The following LRRC14 variants were observed in gnomAD, a reference collection of about 807,000 sequenced individuals.
The protein encoded by LRRC14 is leucine-rich repeat-containing protein 14.
LRRC14 carries 16 observed loss-of-function variants against 25.3 expected under a neutral mutation model. The observed-to-expected ratio is 0.63, with a 90% CI of 0.43 to 0.96. The LOEUF (loss-of-function observed/expected upper bound fraction) is 0.96, where lower values mean the gene tolerates loss of function less well. LRRC14 is among the 40% of genes least tolerant of loss of function. The probability of loss-of-function intolerance (pLI) is 0.00; values close to 1 mark genes in which losing one functional copy is unlikely to be tolerated. For synonymous variants in LRRC14, 359 were observed against 295.1 expected, an observed-to-expected ratio of 1.22 and a Z score of -2.22; for missense variants, 594 against 660.5, an observed-to-expected ratio of 0.90 and a Z score of 1.10.
rs1815957420 is a variant in LRRC14 at position 144,520,639 on chromosome 8, T to G, written c.731T>G (p.Val244Gly). 2.5e-6 allele frequency: 4 copies of G among 1,601,918 alleles called. No homozygotes were observed. Among genetic ancestry groups the G allele is most frequent in the Non-Finnish European group, 3.4e-6 (4 of 1,179,932 alleles). The change falls in exon 3 of 4, where the codon GTG becomes GGG. Residue 244 changes from valine to glycine, a missense_variant. Val to Gly is a moderately radical substitution (Grantham distance 109). Transcript: ENST00000292524. ...GGCCTGTCTGTGATCATCCCACACGTGGCCCGCTTCCAGCACCTGGCCAGC... is the reference window on the plus strand; with the variant it reads ...GGCCTGTCTGTGATCATCCCACACGGGGCCCGCTTCCAGCACCTGGCCAGC... ...LRGLSVIIPHVARFQHLASLR... is the reference protein window; with the variant it reads ...LRGLSVIIPHGARFQHLASLR...
Position 144,523,012 on chromosome 8 carries a change from G to A in LRRC14, c.*1534G>A. On this transcript the variant is annotated 3_prime_UTR_variant, in exon 4 of 4. Coordinates refer to ENST00000292524, the MANE Select transcript of LRRC14 (RefSeq NM_014665.4). ...CGTACTTACCGGCGTGCGCCAGCGTGATGTTGCTGAGGAAGAGCATGCCGC... is the reference window on the plus strand; with the variant it reads ...CGTACTTACCGGCGTGCGCCAGCGTAATGTTGCTGAGGAAGAGCATGCCGC... 1 of 1,597,248 alleles carries A rather than the reference G, an allele frequency of 6.3e-7. No individual in the cohort carries two copies. Among genetic ancestry groups the A allele is most frequent in the Non-Finnish European group, 8.5e-7 (1 of 1,174,950 alleles).
chr8:144,520,078 T>G, intron 2 of LRRC14, 24 bp downstream of exon 2: 1 of 1,590,410 alleles, frequency 6.3e-7, no homozygotes. Flanking sequence ...TGGAGGGTCG[T>G]CAGGCCAGGG....
rs1816007455 is a variant in LRRC14 at position 144,521,100 on chromosome 8, G to A, written c.1104G>A (p.Leu368=). Residue 368 remains leucine (L), a synonymous_variant, in exon 4 of 4, where the codon TTG becomes TTA. Transcript: ENST00000292524. ...TGCAGGCATCAGCAGCCACACTGTTGCATCTGGAGCTGACTGAGTGTCAGC... is the reference window on the plus strand; with the variant it reads ...TGCAGGCATCAGCAGCCACACTGTTACATCTGGAGCTGACTGAGTGTCAGC... ...GLLQASAATL[L]HLELTECQLA... is the part of the protein sequence containing the mutation. 3 of 1,613,072 alleles carry A rather than the reference G, an allele frequency of 1.9e-6. No individual in the cohort carries two copies. The highest frequency in any genetic ancestry group is 1.7e-6 in the Non-Finnish European group (2 of 1,180,030).
In LRRC14 at chr8:144,519,971, T is replaced by C; in HGVS notation, c.246T>C (p.Thr82=). The C allele has an allele frequency of 6.2e-7, 1 of 1,612,876 alleles. No individual in the cohort carries two copies. Among genetic ancestry groups the C allele is most frequent in the Non-Finnish European group, 8.5e-7 (1 of 1,179,954 alleles). ...SRALLQERPS[T]ESMQAVILGL... is the part of the protein sequence containing the mutation. Reference sequence around the variant, plus strand: ...CCCTCCTGCAGGAGCGGCCTAGCACTGAGAGCATGCAGGCTGTTATCCTGG... The same window carrying C: ...CCCTCCTGCAGGAGCGGCCTAGCACCGAGAGCATGCAGGCTGTTATCCTGG... Residue 82 remains threonine (T), a synonymous_variant, in exon 2 of 4, where the codon ACT becomes ACC. Transcript: ENST00000292524.
chr8:144,521,606 C>T lies in LRRC14; in HGVS notation c.*128C>T, dbSNP rs1007023696. On this transcript the variant is annotated 3_prime_UTR_variant, in exon 4 of 4. Coordinates refer to ENST00000292524, the MANE Select transcript of LRRC14 (RefSeq NM_014665.4). Reference sequence around the variant, plus strand: ...CTGGTTTCCTGCTGGGTCTACCTTGCTTCTGGGCACACCTCAAGCCTCCCC... The same window carrying T: ...CTGGTTTCCTGCTGGGTCTACCTTGTTTCTGGGCACACCTCAAGCCTCCCC... 2 of 951,076 alleles carry T rather than the reference C, an allele frequency of 2.1e-6. No individual in the cohort carries two copies. Among genetic ancestry groups the T allele is most frequent in the Non-Finnish European group, 3.0e-6 (2 of 655,748 alleles). The allele number at this position is 951,076 out of a possible 1,614,324, so 58.9% of individuals were successfully genotyped here. A position where few individuals can be genotyped will look rare whatever the true frequency, so the allele number is the denominator to read the frequency against.
At chr8:144,519,480 G>C in intron 1 of LRRC14, 135 bp from the exon 2 acceptor site, 1 of 583,442 alleles carries the variant, frequency 1.7e-6, no homozygotes, top group South Asian at 2.1e-5. Flanking sequence ...TTTCTCTAAA[G>C]AGATCCTGTG....
At position 144,521,231 on chromosome 8, in the gene LRRC14, A is replaced by T. The variant is rs1216782571; in HGVS notation, c.1235A>T (p.Glu412Val). 2 of 1,613,286 alleles carry T rather than the reference A, an allele frequency of 1.2e-6. No homozygotes were observed. Among genetic ancestry groups the T allele is most frequent in the Non-Finnish European group, 1.7e-6 (2 of 1,179,992 alleles). Residue 412 changes from glutamate to valine, a missense_variant, in exon 4 of 4, where the codon GAG (glutamate) becomes GTG (valine). Physicochemically the swap from Glu to Val is moderately radical, Grantham distance 121. Coordinates refer to ENST00000292524, the MANE Select transcript of LRRC14 (RefSeq NM_014665.4). ...GNPLSMAGLK[E>V]LLRDSVAQAE... ...CCACTGTCCATGGCGGGCCTCAAGG[A>T]GCTGCTGCGGGACTCAGTGGCACAG...
At chr8:144,520,086 G>A (rs755959705) in intron 2 of LRRC14, 32 bp downstream of exon 2, 2 of 1,588,368 alleles carry the variant, frequency 1.3e-6, no homozygotes, top group Non-Finnish European at 8.5e-7. Flanking sequence ...CGTCAGGCCA[G>A]GGGTGTGTAA....
chr8:144,520,703 C>T lies in LRRC14; in HGVS notation c.795C>T (p.Pro265=), dbSNP rs374581287. The T allele has an allele frequency of 6.3e-7, 1 of 1,599,954 alleles. No homozygotes were observed. Among genetic ancestry groups the T allele is most frequent in the Non-Finnish European group, 8.5e-7 (1 of 1,179,950 alleles). The change falls in exon 3 of 4, where the codon CCC becomes CCT. Residue 265 remains proline, a synonymous_variant. Transcript: ENST00000292524. ...ATGTGCATGGGGATTCAAGGCAGCC[C>T]TCCGTGGATGGCGAGGACAACTTCC... ...LHYVHGDSRQ[P]SVDGEDNFRY...
rs1816109824 is a variant in LRRC14 at position 144,522,134 on chromosome 8, C to T, written c.*656C>T. 4 of 308,004 alleles carry T rather than the reference C, an allele frequency of 1.3e-5. No individual in the cohort carries two copies. The highest frequency in any genetic ancestry group is 2.4e-5 in the Non-Finnish European group (4 of 167,228). The allele number at this position is 308,004 out of a possible 1,614,324, so 19.1% of individuals were successfully genotyped here. On this transcript the variant is annotated 3_prime_UTR_variant, in exon 4 of 4. Coordinates refer to ENST00000292524, the MANE Select transcript of LRRC14 (RefSeq NM_014665.4). ...ACTGCCATCCAGCCTGTCGCCCCGC[C>T]CTTCGCGGGGCAGCCCCGTCGGCAC...
At position 144,524,611 on chromosome 8, in the gene LRRC14, C is replaced by T. The variant is rs1409405135; in HGVS notation, c.*3133C>T. ...GGCTGCGCGCGGAAGGCGCCGGCCT[C>T]CAGGGCGCGCAGGCTGTTGTTGTGC... On this transcript the variant is annotated 3_prime_UTR_variant, in exon 4 of 4. Coordinates refer to ENST00000292524, the MANE Select transcript of LRRC14 (RefSeq NM_014665.4). 1.3e-6 allele frequency: 2 copies of T among 1,524,638 alleles called. No individual in the cohort carries two copies. Among genetic ancestry groups the T allele is most frequent in the Non-Finnish European group, 1.7e-6 (2 of 1,144,320 alleles). 94.4% of individuals were successfully genotyped at this position (1,524,638 alleles called of 1,614,324 possible).
In LRRC14 at chr8:144,522,565, C is replaced by G; in HGVS notation, c.*1087C>G. 2.6e-6 allele frequency: 4 copies of G among 1,549,358 alleles called. No individual in the cohort carries two copies. Among genetic ancestry groups the G allele is most frequent in the Non-Finnish European group, 3.5e-6 (4 of 1,150,038 alleles). On this transcript the variant is annotated 3_prime_UTR_variant, in exon 4 of 4. Coordinates refer to ENST00000292524, the MANE Select transcript of LRRC14 (RefSeq NM_014665.4). ...GGCCGCAGTCAGCGGGCGCCTCCGC[C>G]GGACCCTCGGCGAAGAGCGGCTTGG...
In LRRC14 at chr8:144,522,236, C is replaced by G. The variant is rs1384565848; in HGVS notation, c.*758C>G. The G allele has an allele frequency of 8.0e-6, 4 of 501,802 alleles. No homozygotes were observed. Among genetic ancestry groups the G allele is most frequent in the African/African-American group, 6.0e-5 (3 of 50,018 alleles). 31.1% of individuals were successfully genotyped at this position (501,802 alleles called of 1,614,324 possible). ...TGGCCGGCCAGGGCCAGCGAGGGAC[C>G]CCCCCCATGCAGAGCTGGAGGTTGG... On this transcript the variant is annotated 3_prime_UTR_variant, in exon 4 of 4. Transcript: ENST00000292524.
chr8:144,524,159 G>A lies in LRRC14; in HGVS notation c.*2681G>A. On this transcript the variant is annotated 3_prime_UTR_variant, in exon 4 of 4. Transcript: ENST00000292524. Reference sequence around the variant, plus strand: ...TGGCCAGGGGCTGCAGGGCCTCTCGGCTGATGGTGCCCAGCTGGTTCCTGC... The same window carrying A: ...TGGCCAGGGGCTGCAGGGCCTCTCGACTGATGGTGCCCAGCTGGTTCCTGC... 1 of 1,610,248 alleles carries A rather than the reference G, an allele frequency of 6.2e-7. No homozygotes were observed. Among genetic ancestry groups the A allele is most frequent in the Non-Finnish European group, 8.5e-7 (1 of 1,178,116 alleles).
Position 144,524,775 on chromosome 8 carries a change from TG to T in LRRC14, c.*3302del. The T allele has an allele frequency of 1.4e-6, 2 of 1,436,530 alleles. No homozygotes were observed. Among genetic ancestry groups the T allele is most frequent in the Non-Finnish European group, 9.1e-7 (1 of 1,100,068 alleles). 89.0% of individuals were successfully genotyped at this position (1,436,530 alleles called of 1,614,324 possible). ...CCCGTTGCGGGGGTCTTCCTCTCCC[TG>T]GGGGCACCCCGTCCTCCCGCAGCTC... On this transcript the variant is annotated 3_prime_UTR_variant, in exon 4 of 4. Transcript: ENST00000292524.
In LRRC14 at chr8:144,522,838, G is replaced by A. The variant is rs1381818411; in HGVS notation, c.*1360G>A. On this transcript the variant is annotated 3_prime_UTR_variant, in exon 4 of 4. Coordinates refer to ENST00000292524, the MANE Select transcript of LRRC14 (RefSeq NM_014665.4). Reference sequence around the variant, plus strand: ...CCACGCCCAGGGCGCGGAAGGCCATGCTGCCCGCCTCGGGCCGGGGCTCGC... The same window carrying A: ...CCACGCCCAGGGCGCGGAAGGCCATACTGCCCGCCTCGGGCCGGGGCTCGC... 4.3e-6 allele frequency: 6 copies of A among 1,390,558 alleles called. No homozygotes were observed. In the South Asian group the frequency reaches 4.8e-5, roughly 11 times the overall value. The allele number at this position is 1,390,558 out of a possible 1,614,324, so 86.1% of individuals were successfully genotyped here.
In LRRC14 at chr8:144,523,333, GGTGA is replaced by G; in HGVS notation, c.*1857_*1860del. On this transcript the variant is annotated 3_prime_UTR_variant, in exon 4 of 4. Transcript: ENST00000292524. ...CACACATGATCTTCCTGTCCCTGGA[GGTGA>G]GCAGCCGCTGGCCGCCCTCCTTGAT... is the stretch of plus-strand genomic sequence containing the variant. The G allele has an allele frequency of 6.3e-7, 1 of 1,595,982 alleles. No homozygotes were observed. The highest frequency in any genetic ancestry group is 8.6e-7 in the Non-Finnish European group (1 of 1,168,536).
rs765259654 is a variant in LRRC14, at chr8:144,521,328, C to T, written c.1332C>T (p.Ala444=). ...AGGGCTTGCCCTGGCCGCCGCCTGCCTCTGTCCTGCTGGAGGCCTCCATCA... is the reference window on the plus strand; with the variant it reads ...AGGGCTTGCCCTGGCCGCCGCCTGCTTCTGTCCTGCTGGAGGCCTCCATCA... ...CYEGLPWPPP[A]SVLLEASINE... is the part of the protein sequence containing the mutation. The change falls in exon 4 of 4, where the codon GCC becomes GCT. Residue 444 remains alanine (A), a synonymous_variant. Coordinates refer to ENST00000292524, the MANE Select transcript of LRRC14 (RefSeq NM_014665.4). The T allele has an allele frequency of 1.2e-6, 2 of 1,613,110 alleles. No individual in the cohort carries two copies. Among genetic ancestry groups the T allele is most frequent in the Non-Finnish European group, 1.7e-6 (2 of 1,180,014 alleles).
In LRRC14 at chr8:144,523,425, G is replaced by A. The variant is rs2130790909; in HGVS notation, c.*1947G>A. 6.6e-7 allele frequency: 1 copy of A among 1,514,946 alleles called. No homozygotes were observed. Among genetic ancestry groups the A allele is most frequent in the Non-Finnish European group, 8.8e-7 (1 of 1,132,848 alleles). The allele number at this position is 1,514,946 out of a possible 1,614,324, so 93.8% of individuals were successfully genotyped here. A position where few individuals can be genotyped will look rare whatever the true frequency, so the allele number is the denominator to read the frequency against. On this transcript the variant is annotated 3_prime_UTR_variant, in exon 4 of 4. Transcript: ENST00000292524. ...CATGGGTTCTCTGTGGGAGAGCAGC[G>A]TTAGGCAGGTGGCTTGAGGGTGCTG...
Sources: gnomAD v4.1 joint callset for allele counts on GRCh38, gnomAD v4.1.1 for gene constraint, MANE v1.5 for transcripts, NCBI Gene and HGNC (gene_info 2026-07-23, HGNC 2026-07-21) for gene names.